The following MYO16 variants were observed in gnomAD, a reference collection of about 807,000 sequenced individuals.
MYO16 encodes myosin XVI.
MYO16 carries 94 observed loss-of-function variants against 205.3 expected under a neutral mutation model. The observed-to-expected ratio is 0.46, with a 90% confidence interval of 0.39 to 0.54. MYO16 has a LOEUF of 0.54. Among genes scored for constraint, MYO16 ranks in the 20% least tolerant of loss-of-function variants. The pLI is 0.00. For missense variants in MYO16, 2,315 were observed against 2,387.5 expected (o/e 0.97, Z 0.63); for synonymous variants, 988 against 954.0 (o/e 1.04, Z -0.66).
intron 21 of MYO16, among the ~76,000 whole-genome samples, chr13:108,997,408 G>GAGGAAAGAAA (rs1885063370): frequency 1.2e-5 from 1 of 84,148 alleles, no homozygotes; most frequent in Non-Finnish European, 2.5e-5. Context: ...GGGAGAGTGG[G>GAGGAAAGAAA]AGGAAAGGAA....
intron 21 of MYO16, among the ~76,000 whole-genome samples, chr13:108,997,171 G>A (rs1479228267): frequency 6.6e-6 from 1 of 151,718 alleles, no homozygotes; most frequent in Non-Finnish European, 1.5e-5. Context: ...CATGCCTGTA[G>A]TCCCAGCCAC....
intron 1 of MYO16, among the ~76,000 whole-genome samples, chr13:108,623,990 T>C (rs1008929309): frequency 3.3e-5 from 5 of 152,106 alleles, no homozygotes; most frequent in African/African-American, 1.2e-4. Flanking sequence ...TGAAGTAAAT[T>C]TGAAGAATGC....
intron 34 of MYO16, among the ~76,000 whole-genome samples, chr13:109,193,873 A>C (rs143741413): frequency 6.6e-6 from 1 of 152,192 alleles, no homozygotes; most frequent in African/African-American, 2.4e-5. Flanking sequence ...AATTATATAC[A>C]TGTAAGCAAA....
Position 108,696,712 on chromosome 13 carries a change from C to T in MYO16, c.293-15949C>T, listed in dbSNP as rs138920307. Among the ~76,000 whole-genome samples the T allele has an allele frequency of 5.1e-3, 783 of 152,152 alleles. 3 individuals carry two copies. The highest frequency in any genetic ancestry group is 9.3e-3 in the Non-Finnish European group (631 of 67,986). On this transcript the variant is annotated intron_variant, in intron 2 of 34. Coordinates refer to ENST00000457511, the MANE Select transcript of MYO16 (RefSeq NM_001198950.3). ...CATTAATTAGATGCATATTAAGATT[C>T]GTACATTTTACTAAGTATAAATTAC...
At chr13:108,681,009 T>C (rs1245303937) in intron 2 of MYO16, among the ~76,000 whole-genome samples, 2 of 152,240 alleles carry the variant, frequency 1.3e-5, no homozygotes, top group African/African-American at 2.4e-5. Context: ...CATGGGATCA[T>C]ATCCAAATTT....
At chr13:108,536,605 C>T in the MYO16 span, among the ~76,000 whole-genome samples, 15 of 152,030 alleles carry the variant, frequency 9.9e-5, no homozygotes, top group African/African-American at 3.6e-4. Context: ...TCACTCATCA[C>T]TTAATAATGA....
At chr13:108,539,024 C>G in the MYO16 span, among the ~76,000 whole-genome samples, 1 of 152,068 alleles carries the variant, frequency 6.6e-6, no homozygotes, top group Non-Finnish European at 1.5e-5. Flanking sequence ...CTGCCTTTAC[C>G]TGGTGCTTTT....
intron 16 of MYO16, among the ~76,000 whole-genome samples, chr13:108,938,659 T>G (rs1566422166): frequency 6.6e-6 from 1 of 152,022 alleles, no homozygotes; most frequent in African/African-American, 2.4e-5. Context: ...CTGCACGAAG[T>G]TCTCTGAACA....
At position 108,864,437 on chromosome 13, in the gene MYO16, C is replaced by T. The variant is rs367869976; in HGVS notation, c.1360-1740C>T. Among the ~76,000 whole-genome samples the T allele has an allele frequency of 5.9e-5, 9 of 152,222 alleles. No individual in the cohort carries two copies. The South Asian group carries it at 8.3e-4, about 14-fold the overall frequency. On this transcript the variant is annotated intron_variant, in intron 11 of 34. Coordinates refer to ENST00000457511, the MANE Select transcript of MYO16 (RefSeq NM_001198950.3). ...TGTTTGGTGATTTTCTAGGTACCTA[C>T]TAGTGACTTCAGTATCTTTTTAATT...
intron 5 of MYO16, among the ~76,000 whole-genome samples, chr13:108,791,347 C>A (rs1353492940): frequency 1.3e-5 from 2 of 152,058 alleles, no homozygotes; most frequent in Non-Finnish European, 2.9e-5. Flanking sequence ...TCCTAAATGA[C>A]CAAATAATAG....
intron 1 of MYO16, among the ~76,000 whole-genome samples, chr13:108,657,954 A>G (rs1468845296): frequency 6.6e-6 from 1 of 152,200 alleles, no homozygotes; most frequent in Non-Finnish European, 1.5e-5. Flanking sequence ...TCTGCTGACA[A>G]ACTATACATT....
At chr13:108,695,583 T>A (rs1052345821) in intron 2 of MYO16, among the ~76,000 whole-genome samples, 1 of 151,994 alleles carries the variant, frequency 6.6e-6, no homozygotes, top group Non-Finnish European at 1.5e-5. Context: ...GGGATTTCGA[T>A]AGGGTGGATC....
chr13:109,141,186 A>T lies in MYO16; in HGVS notation c.4974A>T (p.Pro1658=). 2 of 1,607,794 alleles carry T rather than the reference A, an allele frequency of 1.2e-6. No individual in the cohort carries two copies. Among genetic ancestry groups the T allele is most frequent in the Non-Finnish European group, 1.7e-6 (2 of 1,177,130 alleles). Residue 1658 remains proline (P), a synonymous_variant, in exon 32 of 35, where the codon CCA becomes CCT. Transcript: ENST00000457511. The surrounding 1 kb of genome is among the most constrained non-coding windows in gnomAD (Gnocchi z 4.1). ...CCTGCAGCTCCTTCCCCAAGATCCC[A>T]TATTCCCCCGTGAAGGCCACCAGGG... The part of the protein sequence containing the change: ...AGPCSSFPKI[P]YSPVKATRAD...
At chr13:108,502,732 G>A in the MYO16 span, among the ~76,000 whole-genome samples, 1 of 152,078 alleles carries the variant, frequency 6.6e-6, no homozygotes, top group African/African-American at 2.4e-5. Context: ...TTCTAATTTA[G>A]ATTATTGGTT....
At chr13:108,546,201 T>C in the MYO16 span, among the ~76,000 whole-genome samples, 15 of 152,118 alleles carry the variant, frequency 9.9e-5, no homozygotes, top group African/African-American at 3.6e-4. Context: ...AGAAGTGGCC[T>C]TGGATGACTG....
intron 21 of MYO16, 69 bp from the exon 22 acceptor site, chr13:109,008,828 G>C: frequency 9.0e-7 from 1 of 1,114,582 alleles, no homozygotes; most frequent in Non-Finnish European, 1.3e-6. Flanking sequence ...ATGCACTACT[G>C]TACTATCTAT....
chr13:108,573,445 T>C, the MYO16 span, among the ~76,000 whole-genome samples: 1 of 152,370 alleles, frequency 6.6e-6, no homozygotes, highest in East Asian at 1.9e-4. Context: ...AAATTAATTG[T>C]GTATAATTTG....
At chr13:108,593,342 T>A (rs903370782), upstream of MYO16, among the ~76,000 whole-genome samples, 6 of 152,172 alleles carry the variant, frequency 3.9e-5, no homozygotes, top group African/African-American at 1.2e-4. Context: ...AGGCTGGAGT[T>A]GGGTCAATCC....
intron 10 of MYO16, among the ~76,000 whole-genome samples, chr13:108,844,993 G>T (rs1482650021): frequency 6.6e-6 from 1 of 152,008 alleles, no homozygotes; most frequent in Non-Finnish European, 1.5e-5. Flanking sequence ...AGTTATGGGA[G>T]GTAATTTTGG....
Sources: allele counts gnomAD v4.1 joint callset (sites outside exome capture counted in the v4.1 genomes callset), GRCh38; gene constraint gnomAD v4.1.1; non-coding constraint Gnocchi (gnomAD v3.1); transcripts MANE v1.5; gene names NCBI Gene and HGNC (gene_info 2026-07-23, HGNC 2026-07-21).